Variants in RUNX2 observed in about 807,000 individuals in gnomAD.
The protein encoded by RUNX2 is RUNX family transcription factor 2.
Under a neutral mutation model 51.7 loss-of-function variants are expected in RUNX2, and 10 were observed. The observed-to-expected ratio is 0.19, with a 90% CI of 0.12 to 0.33. The LOEUF (loss-of-function observed/expected upper bound fraction) is 0.33. Ranked by LOEUF, RUNX2 falls within the 10% of genes least tolerant of loss-of-function variation. The pLI, the probability that RUNX2 is intolerant of heterozygous loss-of-function variation, is 1.00. For synonymous variants in RUNX2, 276 were observed against 273.6 expected (o/e 1.01, Z -0.09); for missense variants, 562 against 691.3 (o/e 0.81, Z 2.10).
chr6:45,547,414 A>G lies in RUNX2; in HGVS notation c.*109A>G. Reference sequence around the variant, plus strand: ...TATGTATATCGATTAGCTATCTACAAAGTGCCTATTTTTTAGAAGATTTTT... The same window carrying G: ...TATGTATATCGATTAGCTATCTACAGAGTGCCTATTTTTTAGAAGATTTTT... On this transcript the variant is annotated 3_prime_UTR_variant, in exon 9 of 9. Transcript: ENST00000647337. 2 of 942,374 alleles carry G rather than the reference A, an allele frequency of 2.1e-6. No homozygotes were observed. The highest frequency in any genetic ancestry group is 3.4e-6 in the Non-Finnish European group (2 of 588,766). The allele number at this position is 942,374 out of a possible 1,614,324, so 58.4% of individuals were successfully genotyped here. A position where few individuals can be genotyped will look rare whatever the true frequency, so the allele number is the denominator to read the frequency against.
chr6:45,546,857 C>A lies in RUNX2; in HGVS notation c.1118C>A (p.Pro373His). The change falls in exon 9 of 9, where the codon CCC becomes CAC. Residue 373 changes from proline (P) to histidine (H), a missense_variant. By Grantham distance (77) the Pro-to-His change is moderately conservative. Transcript: ENST00000647337. ...GASELGPFSD[P>H]RQFPSISSLT... ...TCAGAACTGGGCCCTTTTTCAGACC[C>A]CAGGCAGTTCCCAAGCATTTCATCC... is the stretch of plus-strand genomic sequence containing the variant. 6.2e-7 allele frequency: 1 copy of A among 1,613,894 alleles called. No individual in the cohort carries two copies. The highest frequency in any genetic ancestry group is 8.5e-7 in the Non-Finnish European group (1 of 1,179,978).
chr6:45,416,042 G>A (rs916682734), intron 2 of RUNX2, among the ~76,000 whole-genome samples: 1 of 152,188 alleles, frequency 6.6e-6, no homozygotes, highest in Non-Finnish European at 1.5e-5. Context: ...AGAAGAAATT[G>A]TTTTCTCTGA....
At chr6:45,480,159 C>T (rs1052759178) in intron 5 of RUNX2, among the ~76,000 whole-genome samples, 7 of 152,310 alleles carry the variant, frequency 4.6e-5, no homozygotes, top group African/African-American at 1.7e-4. Context: ...GCAACTTGTG[C>T]AACAGCATTA....
chr6:45,349,294 AG>A (rs748703855), intron 2 of RUNX2, among the ~76,000 whole-genome samples: 85 of 152,342 alleles, frequency 5.6e-4, no homozygotes, highest in Admixed American at 1.6e-3. Flanking sequence ...CACTAAAATA[AG>A]GATTAAGAAA....
rs953536921 is a variant in RUNX2, at chr6:45,550,593, T to A, written c.*3288T>A. 1 of 152,690 alleles carries A rather than the reference T, an allele frequency of 6.5e-6. No individual in the cohort carries two copies. Among genetic ancestry groups the A allele is most frequent in the Non-Finnish European group, 1.5e-5 (1 of 68,044 alleles). 9.5% of individuals were successfully genotyped at this position (152,690 alleles called of 1,614,324 possible). On this transcript the variant is annotated 3_prime_UTR_variant, in exon 9 of 9. Transcript: ENST00000647337. ...ACACTTCTTCCAAACCTTGAATTTG[T>A]TGTTTTTAGAAAACGAATGCATTTA...
intron 2 of RUNX2, among the ~76,000 whole-genome samples, chr6:45,383,143 A>T (rs1240589028): frequency 6.6e-6 from 1 of 152,184 alleles, no homozygotes; most frequent in Non-Finnish European, 1.5e-5. Flanking sequence ...TCAAAAATAA[A>T]TAAGTTCTGG....
At chr6:45,336,095 C>T (rs981882015) in intron 2 of RUNX2, among the ~76,000 whole-genome samples, 2 of 151,306 alleles carry the variant, frequency 1.3e-5, no homozygotes, top group Admixed American at 6.6e-5. Flanking sequence ...TTATAAACTC[C>T]AGTGTCCACC....
rs552526159 is a variant in RUNX2 at position 45,489,256 on chromosome 6, A to C, written c.686-2685A>C. Among the ~76,000 whole-genome samples, 6 of 152,334 alleles carry C rather than the reference A, an allele frequency of 3.9e-5. No individual in the cohort carries two copies. The South Asian group carries it at 1.2e-3, about 32-fold the overall frequency. The stretch of plus-strand genomic sequence containing the variant: ...AGATACTTGGAAGTGTTCTTTGAAG[A>C]TAATTTCCAAAAGATCATGAAGGGT... On this transcript the variant is annotated intron_variant, in intron 5 of 8. Transcript: ENST00000647337.
intron 4 of RUNX2, among the ~76,000 whole-genome samples, chr6:45,437,314 G>A (rs1042756764): frequency 3.9e-5 from 6 of 152,152 alleles, no homozygotes; most frequent in African/African-American, 1.4e-4. Context: ...TAACAGCAAG[G>A]ATGTATGTTA....
At chr6:45,379,292 G>C (rs538520419) in intron 2 of RUNX2, among the ~76,000 whole-genome samples, 1 of 152,326 alleles carries the variant, frequency 6.6e-6, no homozygotes, top group East Asian at 1.9e-4. Context: ...AAGTAACAGA[G>C]TGAGTATGGT....
At chr6:45,540,448 T>A (rs1240767375) in intron 7 of RUNX2, among the ~76,000 whole-genome samples, 1 of 152,074 alleles carries the variant, frequency 6.6e-6, no homozygotes, top group Non-Finnish European at 1.5e-5. Context: ...AGAGGTAGAA[T>A]AGAATGCTGG....
At chr6:45,453,976 G>T (rs1382984552) in intron 5 of RUNX2, among the ~76,000 whole-genome samples, 2 of 152,068 alleles carry the variant, frequency 1.3e-5, no homozygotes, top group Non-Finnish European at 2.9e-5. Flanking sequence ...TTATATATTG[G>T]TTCTATATTT....
chr6:45,466,542 G>A (rs1057031935), intron 5 of RUNX2, among the ~76,000 whole-genome samples: 44 of 152,144 alleles, frequency 2.9e-4, no homozygotes, highest in Admixed American at 1.2e-3. Context: ...CAGTCTGGTT[G>A]TGTGATGATC....
chr6:45,350,999 G>T (rs1791894773), intron 2 of RUNX2, among the ~76,000 whole-genome samples: 1 of 152,062 alleles, frequency 6.6e-6, no homozygotes, highest in Admixed American at 6.6e-5. Flanking sequence ...ACACGCGAAG[G>T]ATCTAAGTTC....
intron 2 of RUNX2, among the ~76,000 whole-genome samples, chr6:45,356,955 T>G (rs1255686934): frequency 6.6e-6 from 1 of 152,210 alleles, no homozygotes; most frequent in Non-Finnish European, 1.5e-5. Flanking sequence ...AAATATTAAT[T>G]TCCTATCTAA....
intron 2 of RUNX2, among the ~76,000 whole-genome samples, chr6:45,368,913 T>C (rs1795587256): frequency 6.6e-6 from 1 of 152,076 alleles, no homozygotes; most frequent in South Asian, 2.1e-4. Context: ...GAGTTTTCGT[T>C]TTGTTGTTTA....
chr6:45,536,631 G>A (rs1045298504), intron 7 of RUNX2, among the ~76,000 whole-genome samples: 5 of 152,272 alleles, frequency 3.3e-5, no homozygotes, highest in African/African-American at 4.8e-5. Context: ...GAAAACAGCC[G>A]CTGCCTGCAG....
chr6:45,501,591 A>C (rs552818110), intron 6 of RUNX2, among the ~76,000 whole-genome samples: 80 of 152,364 alleles, frequency 5.3e-4, no homozygotes, highest in African/African-American at 1.8e-3. Context: ...TAAACTGACC[A>C]CAATCTATAT....
At chr6:45,491,366 G>A (rs773203140) in intron 5 of RUNX2, among the ~76,000 whole-genome samples, 2 of 151,944 alleles carry the variant, frequency 1.3e-5, no homozygotes, top group Non-Finnish European at 2.9e-5. Flanking sequence ...TTACATTTCT[G>A]TTTTTTTATT....
Sources: allele counts gnomAD v4.1 joint callset (sites outside exome capture counted in the v4.1 genomes callset), GRCh38; gene constraint gnomAD v4.1.1; transcripts MANE v1.5; gene names NCBI Gene and HGNC (gene_info 2026-07-23, HGNC 2026-07-21).